The following SRRT variants were observed in gnomAD, a reference collection of about 807,000 sequenced individuals.
The protein encoded by SRRT is serrate, RNA effector molecule.
SRRT carries 32 observed loss-of-function variants against 103.2 expected under a neutral mutation model. The observed-to-expected ratio is 0.31, with a 90% CI of 0.23 to 0.42. The LOEUF (loss-of-function observed/expected upper bound fraction) is 0.42. SRRT is among the 10% of genes least tolerant of loss of function. SRRT has a pLI of 1.00. For missense variants in SRRT, 986 were observed against 1,207.5 expected (o/e 0.82, Z 2.72); for synonymous variants, 525 against 449.0 (o/e 1.17, Z -2.14).
chr7:100,875,242 C>T lies in SRRT; in HGVS notation c.-105C>T. 2.6e-6 allele frequency: 1 copy of T among 379,254 alleles called. No homozygotes were observed. 23.5% of individuals were successfully genotyped at this position (379,254 alleles called of 1,614,324 possible). On this transcript the variant is annotated 5_prime_UTR_variant, in exon 1 of 20. Coordinates refer to ENST00000611405, the MANE Select transcript of SRRT (RefSeq NM_015908.6). ...AGCTCCGTCTCCGTCTCGCCCTCCT[C>T]GAAGTCCTCGTCGCGCGCCCGCGAC...
Position 100,884,957 on chromosome 7 carries a change from A to G in SRRT, c.1076A>G (p.Asp359Gly). ...SKKRNRKHSG[D>G]DSFDEGSVSE... ...AAGCGGAACCGGAAGCACAGTGGTG[A>G]CGACAGCTTTGACGAGGGCAGCGTG... The change falls in exon 9 of 20, where the codon GAC (aspartate) becomes GGC (glycine). Residue 359 changes from aspartate to glycine, a missense_variant. This residue lies in a region of SRRT where 166 missense variants were observed against 148.6 expected (regional missense o/e 1.12). Coordinates refer to ENST00000611405, the MANE Select transcript of SRRT (RefSeq NM_015908.6). The G allele has an allele frequency of 6.2e-7, 1 of 1,614,050 alleles. No homozygotes were observed. The highest frequency in any genetic ancestry group is 8.5e-7 in the Non-Finnish European group (1 of 1,180,016).
Position 100,885,313 on chromosome 7 carries a change from C to A in SRRT, c.1260C>A (p.Thr420=), listed in dbSNP as rs562575393. ...GCAAGCCGCGGCCGCTGCATAAGACCTGCTCCCTCTTCATGCGCAACATCG... is the reference window on the plus strand; with the variant it reads ...GCAAGCCGCGGCCGCTGCATAAGACATGCTCCCTCTTCATGCGCAACATCG... ...LECKPRPLHK[T]CSLFMRNIAP... is the part of the protein sequence containing the mutation. The change falls in exon 10 of 20, where the codon ACC becomes ACA. Residue 420 remains threonine (T), a synonymous_variant. Transcript: ENST00000611405. This position sits in a 1 kb window ranked among gnomAD's most constrained non-coding sequence, Gnocchi z 4.8. The A allele has an allele frequency of 1.2e-6, 2 of 1,614,068 alleles. No homozygotes were observed. The highest frequency in any genetic ancestry group is 1.7e-6 in the Non-Finnish European group (2 of 1,180,048).
At position 100,886,790 on chromosome 7, in the gene SRRT, A is replaced by G; in HGVS notation, c.1648-5A>G. ...TGCCTTACTTGCTTCTCTTCCTCCC[A>G]TCAGAGCCTGCCCTCGCAAAACCCG... On this transcript the variant is annotated splice_polypyrimidine_tract_variant and splice_region_variant and intron_variant, in intron 13 of 19. Coordinates refer to ENST00000611405, the MANE Select transcript of SRRT (RefSeq NM_015908.6). The G allele has an allele frequency of 6.2e-7, 1 of 1,614,018 alleles. No individual in the cohort carries two copies. Among genetic ancestry groups the G allele is most frequent in the Non-Finnish European group, 8.5e-7 (1 of 1,179,986 alleles).
intron 2 of SRRT, among the ~76,000 whole-genome samples, chr7:100,879,821 A>G (rs1412836454): frequency 2.0e-5 from 3 of 151,754 alleles, no homozygotes; most frequent in Non-Finnish European, 4.4e-5. Flanking sequence ...AAAAAAAAAA[A>G]AAAAAGAAGA....
chr7:100,887,189 G>C lies in SRRT; in HGVS notation c.1964G>C (p.Ser655Thr). ...GGGCCCATGCCACCCAACCGCATCA[G>C]TCACGGGGAAGGTGAGCTCCAGGTT... ...VRGPMPPNRI[S>T]HGEVLEWQKT... Residue 655 changes from serine to threonine, a missense_variant, in exon 15 of 20, where the codon AGT becomes ACT. This residue lies in a region of SRRT where 349 missense variants were observed against 446.9 expected (regional missense o/e 0.78). Coordinates refer to ENST00000611405, the MANE Select transcript of SRRT (RefSeq NM_015908.6). The surrounding 1 kb of genome is among the most constrained non-coding windows in gnomAD (Gnocchi z 4.1). 6.2e-7 allele frequency: 1 copy of C among 1,614,218 alleles called. No individual in the cohort carries two copies. The highest frequency in any genetic ancestry group is 8.5e-7 in the Non-Finnish European group (1 of 1,180,038).
At chr7:100,879,346 G>A (rs1394083575) in intron 2 of SRRT, among the ~76,000 whole-genome samples, 1 of 152,084 alleles carries the variant, frequency 6.6e-6, no homozygotes, top group Non-Finnish European at 1.5e-5. Context: ...GCAATCCACT[G>A]CTTCGGCCTC....
At position 100,875,553 on chromosome 7, in the gene SRRT, C is replaced by T. The variant is rs961416912; in HGVS notation, c.-18-20C>T. ...GCTCGTCCTTTTGCACCACTCCTAC[C>T]GCCTCTCCCCGGTCCCCAGGCCCCC... On this transcript the variant is annotated intron_variant, in intron 1 of 19. Coordinates refer to ENST00000611405, the MANE Select transcript of SRRT (RefSeq NM_015908.6). 3.7e-6 allele frequency: 6 copies of T among 1,612,362 alleles called. No individual in the cohort carries two copies. The highest frequency in any genetic ancestry group is 2.7e-5 in the African/African-American group (2 of 74,924).
chr7:100,886,706 C>A (rs1363710909), intron 13 of SRRT, 89 bp from the exon 14 acceptor site: 3 of 1,434,894 alleles, frequency 2.1e-6, no homozygotes, highest in Non-Finnish European at 2.9e-6. Flanking sequence ...GAACTCCTGT[C>A]CCCTCGCTGC....
In SRRT at chr7:100,888,154, G is replaced by A. The variant is rs1410093132; in HGVS notation, c.2428+11G>A. 3 of 1,606,964 alleles carry A rather than the reference G, an allele frequency of 1.9e-6. No individual in the cohort carries two copies. The highest frequency in any genetic ancestry group is 1.7e-5 in the Admixed American group (1 of 58,592). On this transcript the variant is annotated intron_variant, in intron 18 of 19. Transcript: ENST00000611405. ...TCTTGGGCTATGGAGGTAAGTACAG[G>A]AGGGAGATGAAGGGGCTTGGTGAGT...
chr7:100,884,905 C>T lies in SRRT; in HGVS notation c.1042-18C>T, dbSNP rs6942607. 1 of 1,613,376 alleles carries T rather than the reference C, an allele frequency of 6.2e-7. No homozygotes were observed. Among genetic ancestry groups the T allele is most frequent in the African/African-American group, 1.3e-5 (1 of 74,804 alleles). ...GTTCTGGCACGCTGACTTGTCCCCT[C>T]TGCTGTGGCTCACACAGAGTAGCAA... On this transcript the variant is annotated intron_variant, in intron 8 of 19. Coordinates refer to ENST00000611405, the MANE Select transcript of SRRT (RefSeq NM_015908.6).
chr7:100,876,288 A>G (rs888420243), intron 2 of SRRT, among the ~76,000 whole-genome samples: 2 of 152,160 alleles, frequency 1.3e-5, no homozygotes, highest in African/African-American at 4.8e-5. Flanking sequence ...AGTAGCTGGG[A>G]TTACAGGCAC....
Position 100,885,535 on chromosome 7 carries a change from C to T in SRRT, c.1317+165C>T, listed in dbSNP as rs1790014043. On this transcript the variant is annotated intron_variant, in intron 10 of 19. Transcript: ENST00000611405. The surrounding 1 kb of genome is among the most constrained non-coding windows in gnomAD (Gnocchi z 4.8). Reference sequence around the variant, plus strand: ...GGACTAGTCCTGATAGCGCCATTGGCTTTCAGGTGCTGGTGTTCTGAAGCC... The same window carrying T: ...GGACTAGTCCTGATAGCGCCATTGGTTTTCAGGTGCTGGTGTTCTGAAGCC... 1 of 1,068,724 alleles carries T rather than the reference C, an allele frequency of 9.4e-7. No individual in the cohort carries two copies. The highest frequency in any genetic ancestry group is 2.6e-5 in the East Asian group (1 of 38,610). The allele number at this position is 1,068,724 out of a possible 1,614,324, so 66.2% of individuals were successfully genotyped here.
At chr7:100,883,735 A>G (rs890912869) in intron 5 of SRRT, among the ~76,000 whole-genome samples, 1 of 152,172 alleles carries the variant, frequency 6.6e-6, no homozygotes, top group African/African-American at 2.4e-5. Context: ...GCTTTGGGAA[A>G]TGACACCTTT....
chr7:100,886,529 T>C, intron 13 of SRRT, 94 bp downstream of exon 13: 4 of 1,326,004 alleles, frequency 3.0e-6, no homozygotes, highest in African/African-American at 1.5e-5. Context: ...CTTGAACCCT[T>C]GCACCCACTC....
At chr7:100,879,541 G>C (rs993045189) in intron 2 of SRRT, among the ~76,000 whole-genome samples, 24 of 152,134 alleles carry the variant, frequency 1.6e-4, no homozygotes, top group Non-Finnish European at 2.8e-4. Context: ...TCTGGAAAAC[G>C]ATTTTTCATA....
At position 100,886,620 on chromosome 7, in the gene SRRT, A is replaced by C. The variant is rs1331029785; in HGVS notation, c.1648-175A>C. 2.2e-5 allele frequency: 21 copies of C among 974,954 alleles called. 1 individual carries two copies. The East Asian group carries it at 5.5e-4, about 26-fold the overall frequency. 60.4% of individuals were successfully genotyped at this position (974,954 alleles called of 1,614,324 possible). On this transcript the variant is annotated intron_variant, in intron 13 of 19. Transcript: ENST00000611405. ...CAGAACTGGGGGGATGCTAGTGATC[A>C]TTTGTGGCTGGGGTGGAACAAAAGC...
At chr7:100,883,995 C>G in intron 5 of SRRT, 75 bp from the exon 6 acceptor site, 14 of 1,484,944 alleles carry the variant, frequency 9.4e-6, no homozygotes, top group Non-Finnish European at 1.3e-5. Context: ...CCCTGTCTTT[C>G]CTGGGCCCCT....
At chr7:100,875,874 C>T (rs1438904236) in intron 2 of SRRT, 162 bp downstream of exon 2, 17 of 800,238 alleles carry the variant, frequency 2.1e-5, no homozygotes, top group Non-Finnish European at 2.9e-5. Flanking sequence ...GGCCAAATAA[C>T]TAGCTGTGGC....
At position 100,881,287 on chromosome 7, in the gene SRRT, A is replaced by G; in HGVS notation, c.125A>G (p.Glu42Gly). ...TTGTTACTTGTTCTTACTGCCAGAG[A>G]GTGGGACCGTGGCCGTGAGCGCCGT... The part of the protein sequence containing the change: ...RRRGDDWNDR[E>G]WDRGRERRSR... The change falls in exon 3 of 20, where the codon GAG becomes GGG. Residue 42 changes from glutamate to glycine, a missense_variant and splice_region_variant. Coordinates refer to ENST00000611405, the MANE Select transcript of SRRT (RefSeq NM_015908.6). 6 of 1,610,118 alleles carry G rather than the reference A, an allele frequency of 3.7e-6. No homozygotes were observed. The African/African-American group carries it at 4.0e-5, about 11-fold the overall frequency.
Sources: gnomAD v4.1 joint callset for allele counts (sites outside exome capture counted in the v4.1 genomes callset) on GRCh38, gnomAD v4.1.1 for gene constraint, gnomAD v4.1.1 regional missense constraint, Gnocchi (gnomAD v3.1) non-coding constraint, MANE v1.5 for transcripts, NCBI Gene and HGNC (gene_info 2026-07-23, HGNC 2026-07-21) for gene names.